The following TMEM62 variants were observed in gnomAD, a reference collection of about 807,000 sequenced individuals.
The protein encoded by TMEM62 is transmembrane protein 62.
In TMEM62, 41 loss-of-function variants were observed where a neutral mutation model predicts 70.4. The observed-to-expected ratio is 0.58, with a 90% CI of 0.45 to 0.76. TMEM62 has a LOEUF of 0.76. Among genes scored for constraint, TMEM62 ranks in the 30% least tolerant of loss-of-function variants. The pLI, the probability that TMEM62 is intolerant of heterozygous loss-of-function variation, is 0.00. For synonymous variants in TMEM62, 268 were observed against 291.0 expected, an observed-to-expected ratio of 0.92 and a Z score of 0.80; for missense variants, 688 against 788.5, an observed-to-expected ratio of 0.87 and a Z score of 1.53.
intron 8 of TMEM62, among the ~76,000 whole-genome samples, chr15:43,153,215 CT>C (rs559495777): frequency 2.9e-4 from 43 of 150,814 alleles, no homozygotes; most frequent in East Asian, 1.4e-3. Flanking sequence ...TGCTCAATCC[CT>C]TTTTTTTTGG....
chr15:43,167,394 C>A (rs1046752578), intron 10 of TMEM62, among the ~76,000 whole-genome samples: 25 of 151,582 alleles, frequency 1.6e-4, no homozygotes, highest in Non-Finnish European at 1.5e-5. Flanking sequence ...TGAGGGGCAC[C>A]TCACTTCTCA....
intron 10 of TMEM62, among the ~76,000 whole-genome samples, chr15:43,164,702 C>T (rs964390970): frequency 6.6e-6 from 1 of 152,128 alleles, no homozygotes; most frequent in Non-Finnish European, 1.5e-5. Flanking sequence ...GACTGAAGAA[C>T]TTCCTTTAAC....
chr15:43,156,528 A>G (rs1416123733), intron 9 of TMEM62, among the ~76,000 whole-genome samples: 1 of 152,164 alleles, frequency 6.6e-6, no homozygotes, highest in East Asian at 1.9e-4. Flanking sequence ...AGAATAAATT[A>G]TTCCCTGTCT....
intron 10 of TMEM62, among the ~76,000 whole-genome samples, chr15:43,165,625 C>T (rs912643251): frequency 1.3e-5 from 2 of 151,392 alleles, no homozygotes; most frequent in Admixed American, 6.6e-5. Context: ...CTCAGCTACT[C>T]GGGAGGCTGA....
chr15:43,148,991 T>C (rs1221830251), intron 6 of TMEM62, 38 bp from the exon 7 acceptor site: 37 of 1,611,818 alleles, frequency 2.3e-5, no homozygotes, highest in Non-Finnish European at 3.0e-5. Context: ...TCACGCGTTA[T>C]CTTTGTTCAT....
In TMEM62 at chr15:43,184,424, C is replaced by T. The variant is rs749560975; in HGVS notation, c.1770C>T (p.Cys590=). Reference sequence around the variant, plus strand: ...TGTACATCTGGCAGGTTTATTCCTGCTACTTTCTTTATGCAACATACGGCA... The same window carrying T: ...TGTACATCTGGCAGGTTTATTCCTGTTACTTTCTTTATGCAACATACGGCA... The part of the protein sequence containing the change: ...LLLYIWQVYS[C]YFLYATYGTL... The change falls in exon 14 of 14, where the codon TGC becomes TGT. Residue 590 remains cysteine, a synonymous_variant. Transcript: ENST00000260403. 3 of 1,614,230 alleles carry T rather than the reference C, an allele frequency of 1.9e-6. No homozygotes were observed. Among genetic ancestry groups the T allele is most frequent in the South Asian group, 2.2e-5 (2 of 91,084 alleles).
At chr15:43,164,934 T>A (rs927754760) in intron 10 of TMEM62, among the ~76,000 whole-genome samples, 1 of 152,216 alleles carries the variant, frequency 6.6e-6, no homozygotes, top group Non-Finnish European at 1.5e-5. Flanking sequence ...GCCAGACATA[T>A]TGGAGCTCCT....
intron 12 of TMEM62, among the ~76,000 whole-genome samples, chr15:43,180,098 C>CCCTGG (rs1425776281): frequency 6.6e-6 from 1 of 152,078 alleles, no homozygotes; most frequent in Non-Finnish European, 1.5e-5. Flanking sequence ...TAAAGCTGAA[C>CCCTGG]CCTATTCTTG....
chr15:43,174,032 G>T (rs1254331564), intron 11 of TMEM62, among the ~76,000 whole-genome samples: 2 of 151,180 alleles, frequency 1.3e-5, no homozygotes, highest in Non-Finnish European at 3.0e-5. Context: ...GGTAATTTTT[G>T]TATTTTTTTT....
chr15:43,137,965 A>G (rs2035464844), intron 3 of TMEM62, among the ~76,000 whole-genome samples: 1 of 152,172 alleles, frequency 6.6e-6, no homozygotes, highest in Non-Finnish European at 1.5e-5. Context: ...CTACAGATTT[A>G]GTCCCAACTC....
chr15:43,175,233 G>A (rs2040598156), intron 11 of TMEM62, among the ~76,000 whole-genome samples: 1 of 152,246 alleles, frequency 6.6e-6, no homozygotes, highest in African/African-American at 2.4e-5. Context: ...GAACAAAAAA[G>A]AAGCTGAGAG....
chr15:43,155,120 T>G (rs2037884789), intron 9 of TMEM62, among the ~76,000 whole-genome samples: 1 of 152,252 alleles, frequency 6.6e-6, no homozygotes, highest in Non-Finnish European at 1.5e-5. Context: ...TCCCAGCTAC[T>G]CAGGAGGCTG....
At position 43,148,759 on chromosome 15, in the gene TMEM62, AG is replaced by A. The variant is rs2036988377; in HGVS notation, c.624del (p.Met209TrpfsTer38). ...TCCATTTTTCTCCCATCTCAGAAAA[AG>A]ATGGAGGAGCTCTTATTACTGGCCA... Reference protein sequence around the residue: ...YNFFGILDKKKMEELLLLAKE... With the variant: ...YNFFGILDKKXMEELLLLAKE... On this transcript the variant is annotated frameshift_variant, in exon 6 of 14. Transcript: ENST00000260403. LOFTEE classifies it high-confidence loss of function. 6.2e-7 allele frequency: 1 copy of A among 1,612,322 alleles called. No homozygotes were observed. The highest frequency in any genetic ancestry group is 1.1e-5 in the South Asian group (1 of 90,588).
intron 4 of TMEM62, among the ~76,000 whole-genome samples, chr15:43,145,911 AC>A (rs1347747597): frequency 6.6e-6 from 1 of 152,180 alleles, no homozygotes; most frequent in African/African-American, 2.4e-5. Context: ...TTTTATGGAC[AC>A]CTGAACACTG....
At chr15:43,145,772 C>A (rs866514866) in intron 4 of TMEM62, among the ~76,000 whole-genome samples, 22 of 152,276 alleles carry the variant, frequency 1.4e-4, no homozygotes, top group South Asian at 2.1e-4. Context: ...AATGTTCTGA[C>A]ATTTGAATAA....
intron 10 of TMEM62, among the ~76,000 whole-genome samples, chr15:43,166,557 C>CTT (rs1163961554): frequency 3.6e-4 from 47 of 132,034 alleles, no homozygotes; most frequent in African/African-American, 1.2e-3. Context: ...TGAGGTTTTT[C>CTT]TTTTTTTTTT....
chr15:43,149,075 C>CT lies in TMEM62; in HGVS notation c.791dup (p.Met265AspfsTer16), dbSNP rs758957293. On this transcript the variant is annotated frameshift_variant, in exon 7 of 14. Transcript: ENST00000260403. LOFTEE classifies it high-confidence loss of function. ...TGGACATCTCCATACACTTGGTGGA[C>CT]TGATGCCTGTTTTGCACACTCGTCA... 2 of 1,614,026 alleles carry CT rather than the reference C, an allele frequency of 1.2e-6. No homozygotes were observed. The highest frequency in any genetic ancestry group is 1.7e-6 in the Non-Finnish European group (2 of 1,179,990).
chr15:43,146,946 C>T (rs2036748257), intron 5 of TMEM62, among the ~76,000 whole-genome samples: 1 of 152,126 alleles, frequency 6.6e-6, no homozygotes, highest in South Asian at 2.1e-4. Context: ...TTCCTAAGTT[C>T]CCACAATTGC....
chr15:43,179,770 C>G (rs1386121055), intron 12 of TMEM62: 1 of 152,158 alleles, frequency 6.6e-6, no homozygotes, highest in African/African-American at 2.4e-5. Context: ...TTGCACTTTG[C>G]TCATTAGTAA....
Sources: allele counts gnomAD v4.1 joint callset (sites outside exome capture counted in the v4.1 genomes callset), GRCh38; gene constraint gnomAD v4.1.1; transcripts MANE v1.5; gene names NCBI Gene and HGNC (gene_info 2026-07-23, HGNC 2026-07-21).